The following PPP2R5C variants were observed in gnomAD, a reference collection of about 807,000 sequenced individuals.
PPP2R5C encodes the protein protein phosphatase 2 regulatory subunit B'gamma.
Under a neutral mutation model 68.9 loss-of-function variants are expected in PPP2R5C, and 7 were observed. The ratio of observed to expected loss-of-function variants is 0.10; its 90% CI spans 0.06 to 0.19. PPP2R5C has a LOEUF of 0.19. Among genes scored for constraint, PPP2R5C ranks in the 10% least tolerant of loss-of-function variants. The probability of loss-of-function intolerance (pLI) is 1.00; values close to 1 mark genes in which losing one functional copy is unlikely to be tolerated. For missense variants in PPP2R5C, 348 were observed against 641.3 expected (o/e 0.54, Z 4.94); for synonymous variants, 210 against 222.2 (o/e 0.95, Z 0.49).
rs1209526779 is a variant in PPP2R5C at position 101,906,574 on chromosome 14, T to C, written c.1151+45T>C. On this transcript the variant is annotated intron_variant, in intron 10 of 13. Coordinates refer to ENST00000334743, the Ensembl canonical transcript of PPP2R5C. This position sits in a 1 kb window ranked among gnomAD's most constrained non-coding sequence, Gnocchi z 4.0. ...CATCTTTTTCAGTCATTTTAAAATA[T>C]GGCACGTTTTACTGCTACTTCAGTA... is the stretch of plus-strand genomic sequence containing the variant. 3 of 1,557,798 alleles carry C rather than the reference T, an allele frequency of 1.9e-6. No homozygotes were observed. The highest frequency in any genetic ancestry group is 2.0e-5 in the Admixed American group (1 of 48,818).
intron 8 of PPP2R5C, among the ~76,000 whole-genome samples, chr14:101,897,551 G>C (rs1441030103): frequency 6.6e-6 from 1 of 152,024 alleles, no homozygotes; most frequent in Non-Finnish European, 1.5e-5. Flanking sequence ...TCCGGCACGG[G>C]AGAAAGATGC....
At chr14:101,912,424 G>A (rs762443485) in exon 12 of PPP2R5C, 6 of 1,598,902 alleles carry the variant, frequency 3.8e-6, no homozygotes, top group Non-Finnish European at 5.1e-6. Flanking sequence ...ATGAAAGAAC[G>A]GGAAGAAGCA....
At chr14:101,925,175 C>A (rs1401087302) in exon 14 of PPP2R5C, 1 of 1,614,026 alleles carries the variant, frequency 6.2e-7, no homozygotes, top group African/African-American at 1.3e-5. Context: ...CGTCCTCTTG[C>A]ACGCCGCAAG....
In PPP2R5C at chr14:101,829,722, G is replaced by A. The variant is rs541292649; in HGVS notation, c.94+19686G>A. On this transcript the variant is annotated intron_variant, in intron 1 of 13. Transcript: ENST00000334743. Reference sequence around the variant, plus strand: ...TCCATGCATGGACCCTGATTACAGCGGGAGCAGGCAACGTGAGGTGCCCGC... The same window carrying A: ...TCCATGCATGGACCCTGATTACAGCAGGAGCAGGCAACGTGAGGTGCCCGC... Among the ~76,000 whole-genome samples the A allele has an allele frequency of 5.3e-5, 8 of 152,228 alleles. No homozygotes were observed. The East Asian group carries it at 1.2e-3, about 22-fold the overall frequency.
intron 2 of PPP2R5C, among the ~76,000 whole-genome samples, chr14:101,771,054 A>G (rs2037119166): frequency 6.6e-6 from 1 of 152,208 alleles, no homozygotes; most frequent in Non-Finnish European, 1.5e-5. Context: ...TTTTAAGCAG[A>G]GACTCTCCAG....
chr14:101,832,818 G>T (rs77526544), intron 1 of PPP2R5C, among the ~76,000 whole-genome samples: 1 of 152,100 alleles, frequency 6.6e-6, no homozygotes, highest in South Asian at 2.1e-4. Flanking sequence ...TCTTCCCCGC[G>T]CTTTACCGTG....
chr14:101,837,586 C>T (rs544653303), intron 1 of PPP2R5C, among the ~76,000 whole-genome samples: 6 of 152,168 alleles, frequency 3.9e-5, no homozygotes, highest in African/African-American at 9.7e-5. Flanking sequence ...CAGGCGGAAA[C>T]CAGGCATCCC....
intron 3 of PPP2R5C, among the ~76,000 whole-genome samples, chr14:101,800,651 C>CAAA (rs201617260): frequency 8.0e-6 from 1 of 124,450 alleles, no homozygotes; most frequent in African/African-American, 2.8e-5. Flanking sequence ...TTAGCAATAC[C>CAAA]AAAAAAAAAA....
At chr14:101,775,650 G>A (rs1595127458) in intron 2 of PPP2R5C, among the ~76,000 whole-genome samples, 1 of 152,182 alleles carries the variant, frequency 6.6e-6, no homozygotes, top group East Asian at 1.9e-4. Context: ...TACCACTGAG[G>A]CAGGTAACAC....
In PPP2R5C at chr14:101,820,672, C is replaced by A. The variant is rs1048762509; in HGVS notation, c.94+10636C>A. On this transcript the variant is annotated intron_variant, in intron 1 of 13. Transcript: ENST00000334743. Reference sequence around the variant, plus strand: ...GGGTGTTTCTTTACATATACTTGAACCAGAATAGCATATCACAGCAAGTTG... The same window carrying A: ...GGGTGTTTCTTTACATATACTTGAAACAGAATAGCATATCACAGCAAGTTG... 3 of 152,164 alleles carry A rather than the reference C, an allele frequency of 2.0e-5. No individual in the cohort carries two copies. The South Asian group carries it at 6.2e-4, about 31-fold the overall frequency. The allele number at this position is 152,164 out of a possible 1,614,324, so 9.4% of individuals were successfully genotyped here. A position where few individuals can be genotyped will look rare whatever the true frequency, so the allele number is the denominator to read the frequency against.
At chr14:101,855,491 C>T (rs1408688833) in intron 1 of PPP2R5C, among the ~76,000 whole-genome samples, 1 of 152,208 alleles carries the variant, frequency 6.6e-6, no homozygotes, top group Non-Finnish European at 1.5e-5. Flanking sequence ...GAAACTATAT[C>T]AGTAAAAGCC....
intron 13 of PPP2R5C, among the ~76,000 whole-genome samples, chr14:101,920,204 G>A (rs1234531516): frequency 2.0e-5 from 3 of 152,180 alleles, no homozygotes; most frequent in African/African-American, 4.8e-5. Flanking sequence ...ATTCTCTCCT[G>A]AGTAAAGCTG....
intron 2 of PPP2R5C, among the ~76,000 whole-genome samples, chr14:101,864,761 A>G (rs1318861774): frequency 6.6e-6 from 1 of 152,120 alleles, no homozygotes; most frequent in Non-Finnish European, 1.5e-5. Context: ...CCAAGCCTGG[A>G]GCTCCCGATT....
intron 1 of PPP2R5C, among the ~76,000 whole-genome samples, chr14:101,851,146 T>G (rs1746593): frequency 0.23 from 35,170 of 152,078 alleles, 4,177 homozygotes; most frequent in African/African-American, 0.27. Context: ...AAGAATACAC[T>G]TGGGGCTGGC....
chr14:101,764,739 T>C (rs1408235167), intron 2 of PPP2R5C, among the ~76,000 whole-genome samples: 16 of 152,180 alleles, frequency 1.1e-4, no homozygotes. Flanking sequence ...GTCACCCTTT[T>C]GACTAAATTC....
At chr14:101,796,265 C>T (rs764857115) in intron 3 of PPP2R5C, among the ~76,000 whole-genome samples, 11 of 152,212 alleles carry the variant, frequency 7.2e-5, no homozygotes, top group Non-Finnish European at 1.5e-4. Context: ...CGGAAGTTAT[C>T]GGAGTGCCTG....
In PPP2R5C at chr14:101,888,793, T is replaced by C. The variant is rs536792001; in HGVS notation, c.630-1444T>C. Reference sequence around the variant, plus strand: ...ATTTAGTAGAGGTGGAGTTTTGCCATGTTGGCCAGGCCCGTCTTGAACTCC... The same window carrying C: ...ATTTAGTAGAGGTGGAGTTTTGCCACGTTGGCCAGGCCCGTCTTGAACTCC... On this transcript the variant is annotated intron_variant, in intron 5 of 13. Transcript: ENST00000334743. The surrounding 1 kb of genome is among the most constrained non-coding windows in gnomAD (Gnocchi z 5.6). 9.5e-4 allele frequency among the ~76,000 whole-genome samples: 144 copies of C among 152,200 alleles called. No individual in the cohort carries two copies. Among genetic ancestry groups the C allele is most frequent in the African/African-American group, 3.3e-3 (139 of 41,544 alleles).
At chr14:101,893,424 G>A (rs2045090289) in intron 7 of PPP2R5C, among the ~76,000 whole-genome samples, 1 of 152,156 alleles carries the variant, frequency 6.6e-6, no homozygotes, top group Non-Finnish European at 1.5e-5. Flanking sequence ...ACCTTAAAGA[G>A]AAAAGCCTAT....
chr14:101,871,109 T>A (rs1255053101), intron 2 of PPP2R5C, among the ~76,000 whole-genome samples: 1 of 152,224 alleles, frequency 6.6e-6, no homozygotes, highest in Admixed American at 6.5e-5. Flanking sequence ...TTCTGACTAG[T>A]GTTGGCATGG....
Sources: allele counts gnomAD v4.1 joint callset (sites outside exome capture counted in the v4.1 genomes callset), GRCh38; gene constraint gnomAD v4.1.1; non-coding constraint Gnocchi (gnomAD v3.1); transcripts MANE v1.5; gene names NCBI Gene and HGNC (gene_info 2026-07-23, HGNC 2026-07-21).